The following CNTN3 variants were observed in gnomAD, a reference collection of about 807,000 sequenced individuals.
CNTN3 encodes the protein contactin 3, also known as contactin-3.
CNTN3 carries 60 observed loss-of-function variants against 119.1 expected under a neutral mutation model. That is an observed-to-expected ratio of 0.50 (90% CI 0.41 to 0.62). The LOEUF is 0.62. CNTN3 is among the 20% of genes least tolerant of loss of function. The pLI is 0.00. For missense variants in CNTN3, 1,101 were observed against 1,242.4 expected (o/e 0.89, Z 1.71); for synonymous variants, 450 against 438.7 (o/e 1.03, Z -0.32).
At chr3:74,314,012 T>C (rs542274569) in intron 13 of CNTN3, among the ~76,000 whole-genome samples, 1 of 152,356 alleles carries the variant, frequency 6.6e-6, no homozygotes, top group South Asian at 2.1e-4. Flanking sequence ...GAAAATATTT[T>C]AATTTCCTTC....
At chr3:74,305,539 AATC>A (rs1158081558) in intron 13 of CNTN3, among the ~76,000 whole-genome samples, 1 of 152,154 alleles carries the variant, frequency 6.6e-6, no homozygotes, top group Non-Finnish European at 1.5e-5. Context: ...GTAGTGGAAT[AATC>A]ATTTAACAAA....
intron 5 of CNTN3, among the ~76,000 whole-genome samples, chr3:74,384,763 G>C (rs181632803): frequency 6.6e-6 from 1 of 152,190 alleles, no homozygotes; most frequent in Admixed American, 6.5e-5. Flanking sequence ...TTACTCTGTG[G>C]GACTTGAGTC....
At chr3:74,546,585 C>G (rs551853063) in intron 1 of CNTN3, among the ~76,000 whole-genome samples, 10 of 152,284 alleles carry the variant, frequency 6.6e-5, no homozygotes, top group African/African-American at 2.2e-4. Flanking sequence ...ATCCTTCCTG[C>G]TCTCAAACAT....
intron 5 of CNTN3, among the ~76,000 whole-genome samples, chr3:74,402,041 G>A (rs1705208226): frequency 6.6e-6 from 1 of 152,202 alleles, no homozygotes; most frequent in South Asian, 2.1e-4. Flanking sequence ...CCTGTGAAAT[G>A]TTAGGCCCTG....
chr3:74,544,915 A>C (rs893120848), intron 1 of CNTN3, among the ~76,000 whole-genome samples: 2 of 152,164 alleles, frequency 1.3e-5, no homozygotes, highest in African/African-American at 4.8e-5. Flanking sequence ...CTCTTGCACA[A>C]TAAGATGGGG....
intron 11 of CNTN3, among the ~76,000 whole-genome samples, chr3:74,348,035 G>A (rs1420906781): frequency 6.6e-6 from 1 of 152,200 alleles, no homozygotes; most frequent in Admixed American, 6.5e-5. Flanking sequence ...CTGGAGGATG[G>A]GGGAGATGGA....
chr3:74,607,850 T>C (rs1485810650), intron 1 of CNTN3, among the ~76,000 whole-genome samples: 4 of 152,182 alleles, frequency 2.6e-5, no homozygotes, highest in Non-Finnish European at 5.9e-5. Context: ...GTTAAAATCC[T>C]AGAAACATGA....
chr3:74,482,486 C>T (rs1350695178), intron 4 of CNTN3, among the ~76,000 whole-genome samples: 1 of 152,012 alleles, frequency 6.6e-6, no homozygotes, highest in South Asian at 2.1e-4. Context: ...GATGTATGGC[C>T]TTTTCACTTT....
At chr3:74,381,960 G>A (rs1288963745) in intron 5 of CNTN3, among the ~76,000 whole-genome samples, 2 of 152,102 alleles carry the variant, frequency 1.3e-5, no homozygotes, top group African/African-American at 4.8e-5. Context: ...TGTAATACCA[G>A]CACTTTGGGA....
intron 1 of CNTN3, among the ~76,000 whole-genome samples, chr3:74,588,553 G>A (rs1704639877): frequency 6.6e-6 from 1 of 151,960 alleles, no homozygotes; most frequent in African/African-American, 2.4e-5. Flanking sequence ...TAGATTCAAT[G>A]CCATCCCCAT....
At chr3:74,565,101 TC>T (rs1442600386) in intron 1 of CNTN3, among the ~76,000 whole-genome samples, 1 of 152,166 alleles carries the variant, frequency 6.6e-6, no homozygotes, top group Non-Finnish European at 1.5e-5. Flanking sequence ...CAAGTAGTTT[TC>T]CTTTTTGTAT....
chr3:74,306,202 G>C (rs1319674267), intron 13 of CNTN3, among the ~76,000 whole-genome samples: 1 of 119,852 alleles, frequency 8.3e-6, no homozygotes, highest in Admixed American at 1.0e-4. Context: ...AAGGATGTGA[G>C]AGAGAAATGT....
At chr3:74,411,642 CTCAATG>C (rs1701440002) in intron 5 of CNTN3, among the ~76,000 whole-genome samples, 1 of 152,160 alleles carries the variant, frequency 6.6e-6, no homozygotes, top group African/African-American at 2.4e-5. Context: ...GAAAATGCTG[CTCAATG>C]TCACCCAAAT....
intron 1 of CNTN3, among the ~76,000 whole-genome samples, chr3:74,568,255 G>A (rs542240693): frequency 6.6e-6 from 1 of 152,326 alleles, no homozygotes; most frequent in Admixed American, 6.5e-5. Flanking sequence ...CGCTAAGTAT[G>A]CCTATGATCT....
At chr3:74,521,346 G>A (rs1009118762) in intron 1 of CNTN3, among the ~76,000 whole-genome samples, 154 bp from the exon 2 acceptor site, 4 of 151,090 alleles carry the variant, frequency 2.6e-5, no homozygotes, top group African/African-American at 7.3e-5. Flanking sequence ...AATAGAGGAC[G>A]CTTGAAATGT....
At chr3:74,457,191 G>T (rs73114632) in intron 4 of CNTN3, among the ~76,000 whole-genome samples, 5 of 151,852 alleles carry the variant, frequency 3.3e-5, no homozygotes, top group Non-Finnish European at 7.4e-5. Context: ...GTCTTTGTTG[G>T]AAAAAAAGAA....
chr3:74,419,906 T>C (rs1030486801), intron 5 of CNTN3, among the ~76,000 whole-genome samples: 3 of 152,188 alleles, frequency 2.0e-5, no homozygotes, highest in Admixed American at 6.5e-5. Flanking sequence ...TGTCTAATGA[T>C]TGTGTGGTGA....
At chr3:74,303,681 A>G (rs1185902932) in intron 13 of CNTN3, among the ~76,000 whole-genome samples, 1 of 152,186 alleles carries the variant, frequency 6.6e-6, no homozygotes, top group Non-Finnish European at 1.5e-5. Context: ...CTTGGCTGAC[A>G]GGCAAGACTC....
intron 2 of CNTN3, among the ~76,000 whole-genome samples, chr3:74,501,791 GA>G (rs11383452): frequency 2.7e-5 from 4 of 147,226 alleles, no homozygotes; most frequent in Admixed American, 6.8e-5. Flanking sequence ...ATTGCCAAAG[GA>G]AAAAAAAAAA....
Sources: gnomAD v4.1 joint callset for allele counts (sites outside exome capture counted in the v4.1 genomes callset) on GRCh38, gnomAD v4.1.1 for gene constraint, MANE v1.5 for transcripts, NCBI Gene and HGNC (gene_info 2026-07-23, HGNC 2026-07-21) for gene names.